SYCP2: variants seen among roughly 807,000 people sequenced by gnomAD.
SYCP2 encodes the protein synaptonemal complex lateral element protein.
In SYCP2, 55 loss-of-function variants were observed where a neutral mutation model predicts 211.3. The ratio of observed to expected loss-of-function variants is 0.26; its 90% confidence interval spans 0.21 to 0.33. The LOEUF is 0.33. Ranked by LOEUF, SYCP2 falls within the 10% of genes least tolerant of loss-of-function variation. SYCP2 has a pLI of 1.00. For synonymous variants in SYCP2, 570 were observed against 555.2 expected (o/e 1.03, Z -0.37); for missense variants, 1,731 against 1,752.0 (o/e 0.99, Z 0.21).
chr20:59,884,092 C>T (rs953832739), intron 26 of SYCP2, among the ~76,000 whole-genome samples: 1 of 151,970 alleles, frequency 6.6e-6, no homozygotes, highest in Non-Finnish European at 1.5e-5. Context: ...AACCTTAATA[C>T]TTACTGACAT....
At chr20:59,895,774 T>G (rs1184421981) in intron 19 of SYCP2, among the ~76,000 whole-genome samples, 177 bp from the exon 20 acceptor site, 1 of 152,024 alleles carries the variant, frequency 6.6e-6, no homozygotes, top group Non-Finnish European at 1.5e-5. Context: ...AAGGAAAAAT[T>G]TGCAGGAAGG....
chr20:59,909,982 G>GAAGAACTAAGA (rs1287866681), intron 14 of SYCP2, among the ~76,000 whole-genome samples: 1 of 152,166 alleles, frequency 6.6e-6, no homozygotes, highest in East Asian at 1.9e-4. Flanking sequence ...GGTCTATGCA[G>GAAGAACTAAGA]AAGAACTAAG....
At chr20:59,907,544 G>C in intron 14 of SYCP2, 120 bp from the exon 15 acceptor site, 1 of 702,690 alleles carries the variant, frequency 1.4e-6, no homozygotes, top group Non-Finnish European at 2.4e-6. Flanking sequence ...TAAGTAACTA[G>C]TTTATATAAC....
intron 34 of SYCP2, 41 bp from the exon 35 acceptor site, chr20:59,874,102 G>A (rs751186342): frequency 7.8e-5 from 86 of 1,108,654 alleles, no homozygotes; most frequent in Non-Finnish European, 9.8e-5. Context: ...GATGGCAAGC[G>A]TTATCATTGA....
chr20:59,877,179 A>G (rs1490978173), intron 33 of SYCP2, among the ~76,000 whole-genome samples: 1 of 152,148 alleles, frequency 6.6e-6, no homozygotes, highest in Non-Finnish European at 1.5e-5. Context: ...AGATTCAGAC[A>G]TCTGTTTTGT....
chr20:59,876,432 A>AT, intron 33 of SYCP2, among the ~76,000 whole-genome samples: 1 of 144,878 alleles, frequency 6.9e-6, no homozygotes, highest in African/African-American at 2.5e-5. Context: ...TAGAAAATGT[A>AT]GACCTAAGTT....
At chr20:59,919,362 G>T in intron 6 of SYCP2, 131 bp downstream of exon 6, 2 of 747,382 alleles carry the variant, frequency 2.7e-6, no homozygotes, top group South Asian at 1.7e-5. Flanking sequence ...TATACAATCT[G>T]AACAGACCAA....
chr20:59,869,116 TCTTGTAATAGCTGTGATGTGAG>T (rs1353209295), intron 36 of SYCP2, among the ~76,000 whole-genome samples, 191 bp from the exon 37 acceptor site: 1 of 151,760 alleles, frequency 6.6e-6, no homozygotes, highest in Non-Finnish European at 1.5e-5. Context: ...ACCTCAATCT[TCTTGTAATAGCTGTGATGTGAG>T]CTACTTTTTT....
intron 25 of SYCP2, 73 bp downstream of exon 25, chr20:59,886,617 GAACCTATGTTTAAAATT>G: frequency 2.1e-6 from 2 of 940,060 alleles, no homozygotes; most frequent in Admixed American, 3.0e-5. Flanking sequence ...TACATTATCT[GAACCTATGTTTAAAATT>G]AACCTTTTTA....
chr20:59,879,758 A>G (rs1228408504), intron 31 of SYCP2, among the ~76,000 whole-genome samples: 3 of 146,820 alleles, frequency 2.0e-5, no homozygotes, highest in Non-Finnish European at 4.5e-5. Context: ...TGTCTATATA[A>G]ATTCCTAAAA....
intron 15 of SYCP2, among the ~76,000 whole-genome samples, chr20:59,906,177 C>A (rs2060209824): frequency 6.6e-6 from 1 of 152,042 alleles, no homozygotes; most frequent in Non-Finnish European, 1.5e-5. Flanking sequence ...AGTCATAATT[C>A]CAGCAAGCAA....
chr20:59,905,810 G>A (rs2060203329), intron 15 of SYCP2, among the ~76,000 whole-genome samples: 1 of 152,084 alleles, frequency 6.6e-6, no homozygotes, highest in African/African-American at 2.4e-5. Context: ...GCAAAGATTG[G>A]GAAGTAGGCA....
chr20:59,873,807 C>A (rs749712200), intron 35 of SYCP2, 49 bp downstream of exon 35: 4 of 1,441,542 alleles, frequency 2.8e-6, no homozygotes, highest in Non-Finnish European at 3.8e-6. Flanking sequence ...AAATAACTTA[C>A]TACCTTCAGA....
At chr20:59,881,794 C>T (rs538825347) in intron 28 of SYCP2, 151 bp downstream of exon 28, 12 of 527,358 alleles carry the variant, frequency 2.3e-5, no homozygotes, top group African/African-American at 4.0e-5. Flanking sequence ...CCTAAATATA[C>T]GTAGGCTGGT....
chr20:59,886,636 A>G, intron 25 of SYCP2, 71 bp downstream of exon 25: 1 of 1,152,586 alleles, frequency 8.7e-7, no homozygotes, highest in Non-Finnish European at 1.2e-6. Context: ...TTTAAAATTA[A>G]CCTTTTTAAA....
chr20:59,873,031 A>G (rs1490069202), intron 35 of SYCP2, among the ~76,000 whole-genome samples: 1 of 152,120 alleles, frequency 6.6e-6, no homozygotes, highest in Non-Finnish European at 1.5e-5. Flanking sequence ...GTATCACATT[A>G]TATGTATCAT....
intron 34 of SYCP2, among the ~76,000 whole-genome samples, chr20:59,874,403 A>T (rs188622902): frequency 5.4e-4 from 82 of 152,250 alleles, no homozygotes; most frequent in African/African-American, 1.9e-3. Flanking sequence ...TATACACATC[A>T]CAAAATTTTA....
Position 59,892,426 on chromosome 20 carries a change from T to G in SYCP2, c.1928A>C (p.Asp643Ala). The change falls in exon 24 of 45, where the codon GAT becomes GCT. Residue 643 changes from aspartate (D) to alanine (A), a missense_variant and splice_region_variant. Physicochemically the swap from Asp to Ala is moderately radical, Grantham distance 126. Coordinates refer to ENST00000357552, the MANE Select transcript of SYCP2 (RefSeq NM_014258.4). Reference sequence around the variant, plus strand: ...AGTAAGTTTTTTATTTATAACAATATCTATTGGGGAAAATGAGAAATTAAT... The same window carrying G: ...AGTAAGTTTTTTATTTATAACAATAGCTATTGGGGAAAATGAGAAATTAAT... ...STSSGDTLNQDIVINKKLTKQ... is the reference protein window; with the variant it reads ...STSSGDTLNQAIVINKKLTKQ... The G allele has an allele frequency of 2.7e-6, 4 of 1,482,568 alleles. No homozygotes were observed. The highest frequency in any genetic ancestry group is 1.4e-5 in the African/African-American group (1 of 70,350). 91.8% of individuals were successfully genotyped at this position (1,482,568 alleles called of 1,614,324 possible). A position where few individuals can be genotyped will look rare whatever the true frequency, so the allele number is the denominator to read the frequency against.
chr20:59,877,377 C>A lies in SYCP2; in HGVS notation c.3150+8G>T. On this transcript the variant is annotated splice_region_variant and intron_variant, in intron 33 of 44. Coordinates refer to ENST00000357552, the MANE Select transcript of SYCP2 (RefSeq NM_014258.4). ...TTTTAGAAATTAATCTGAACTGTAT[C>A]TATTTACCTTTACTGGTATGTTCTC... is the stretch of plus-strand genomic sequence containing the variant. 6.5e-7 allele frequency: 1 copy of A among 1,549,116 alleles called. No individual in the cohort carries two copies. Among genetic ancestry groups the A allele is most frequent in the Non-Finnish European group, 8.7e-7 (1 of 1,155,910 alleles).
Sources: allele counts gnomAD v4.1 joint callset (sites outside exome capture counted in the v4.1 genomes callset), GRCh38; gene constraint gnomAD v4.1.1; transcripts MANE v1.5; gene names NCBI Gene and HGNC (gene_info 2026-07-23, HGNC 2026-07-21).